Variants in COL5A1 observed in about 807,000 individuals in gnomAD.
COL5A1 encodes collagen alpha-1(V) chain.
COL5A1 carries 16 observed loss-of-function variants against 263.7 expected under a neutral mutation model. The observed-to-expected ratio is 0.06, with a 90% CI of 0.04 to 0.09. The LOEUF is 0.09. Among genes scored for constraint, COL5A1 ranks in the 10% least tolerant of loss-of-function variants. The pLI is 1.00. For synonymous variants in COL5A1, 1,012 were observed against 1,004.5 expected (o/e 1.01, Z -0.14); for missense variants, 2,036 against 2,540.5 (o/e 0.80, Z 4.27).
Position 134,686,686 on chromosome 9 carries a change from C to T in COL5A1, c.110-4226C>T, listed in dbSNP as rs968687304. Among the ~76,000 whole-genome samples the T allele has an allele frequency of 6.6e-6, 1 of 152,158 alleles. No homozygotes were observed. Among genetic ancestry groups the T allele is most frequent in the Non-Finnish European group, 1.5e-5 (1 of 68,020 alleles). On this transcript the variant is annotated intron_variant, in intron 1 of 65. Coordinates refer to ENST00000371817, the MANE Select transcript of COL5A1 (RefSeq NM_000093.5). The surrounding 1 kb of genome is among the most constrained non-coding windows in gnomAD (Gnocchi z 4.6). The stretch of plus-strand genomic sequence containing the variant: ...GCCTCTGGGATGCCAGTGACAAATA[C>T]TTCTACTTGTAACAGTGCAGGGGAT...
At chr9:134,702,017 C>T (rs1177485118) in intron 4 of COL5A1, among the ~76,000 whole-genome samples, 1 of 152,242 alleles carries the variant, frequency 6.6e-6, no homozygotes. Context: ...TGATCCCCAG[C>T]TGCCCCGGGT....
At chr9:134,762,105 G>C (rs1836470831) in intron 19 of COL5A1, 127 bp downstream of exon 19, 1 of 920,102 alleles carries the variant, frequency 1.1e-6, no homozygotes, top group African/African-American at 1.6e-5. Context: ...CCAGCTGGGA[G>C]AAGGCAGATG....
rs775335297 is a variant in COL5A1, at chr9:134,823,002, C to T, written c.4613C>T (p.Pro1538Leu). 40 of 1,613,940 alleles carry T rather than the reference C, an allele frequency of 2.5e-5. No homozygotes were observed. Among genetic ancestry groups the T allele is most frequent in the Middle Eastern group, 1.6e-4 (1 of 6,084 alleles). Residue 1538 changes from proline to leucine, a missense_variant, in exon 60 of 66, where the codon CCG becomes CTG. Coordinates refer to ENST00000371817, the MANE Select transcript of COL5A1 (RefSeq NM_000093.5). ...TCTGCCCTCCTCTCTCTGCAGGGTC[C>T]GCCTGGTCCAAAAGGTGCTAAGGGC... is the stretch of plus-strand genomic sequence containing the variant. ...GPPGPPGLPG[P>L]PGPKGAKGSS...
In COL5A1 at chr9:134,824,607, C is replaced by G. The variant is rs1297565068; in HGVS notation, c.4706C>G (p.Pro1569Arg). Residue 1569 changes from proline (P) to arginine (R), a missense_variant, in exon 62 of 66, where the codon CCG becomes CGG. Physicochemically the swap from Pro to Arg is moderately radical, Grantham distance 103 (BLOSUM62 -2). Transcript: ENST00000371817. ...TCCTGTTCTGTCCCCCAGGGCCCCC[C>G]GGGAGAGGTCATCCAGCCCCTGCCA... is the stretch of plus-strand genomic sequence containing the variant. ...HPGPPGPPGP[P>R]GEVIQPLPIQ... 6.2e-7 allele frequency: 1 copy of G among 1,613,992 alleles called. No individual in the cohort carries two copies. The highest frequency in any genetic ancestry group is 1.7e-5 in the Admixed American group (1 of 60,016).
At chr9:134,829,879 C>G (rs1052147679) in intron 63 of COL5A1, 97 bp from the exon 64 acceptor site, 10 of 1,373,350 alleles carry the variant, frequency 7.3e-6, no homozygotes, top group Non-Finnish European at 9.1e-6. Context: ...GATGCAGGCG[C>G]GGGGGCCGGG....
rs1040602145 is a variant in COL5A1 at position 134,742,599 on chromosome 9, A to C, written c.1494+3791A>C. Among the ~76,000 whole-genome samples the C allele has an allele frequency of 6.6e-6, 1 of 152,180 alleles. No individual in the cohort carries two copies. Among genetic ancestry groups the C allele is most frequent in the African/African-American group, 2.4e-5 (1 of 41,434 alleles). On this transcript the variant is annotated intron_variant, in intron 11 of 65. Coordinates refer to ENST00000371817, the MANE Select transcript of COL5A1 (RefSeq NM_000093.5). This position sits in a 1 kb window ranked among gnomAD's most constrained non-coding sequence, Gnocchi z 4.6. ...TTACTTTGAGGTTCAGAGGAAACCC[A>C]AGAGAGCTGGGAGTCCCCAAGTGAG...
At chr9:134,693,249 G>A (rs1053015114) in intron 2 of COL5A1, among the ~76,000 whole-genome samples, 3 of 151,972 alleles carry the variant, frequency 2.0e-5, no homozygotes, top group African/African-American at 4.8e-5. Flanking sequence ...CGAGGTTACC[G>A]TGACACAGTG....
chr9:134,836,976 A>G (rs1839873132), intron 65 of COL5A1, among the ~76,000 whole-genome samples: 1 of 152,208 alleles, frequency 6.6e-6, no homozygotes, highest in African/African-American at 2.4e-5. Flanking sequence ...GAGGCATTTA[A>G]AAATGCCAGG....
rs200898838 is a variant in COL5A1, at chr9:134,780,065, T to A, written c.2386-37T>A. The A allele has an allele frequency of 3.0e-5, 48 of 1,612,690 alleles. No individual in the cohort carries two copies. The East Asian group carries it at 1.0e-3, about 35-fold the overall frequency. On this transcript the variant is annotated intron_variant, in intron 27 of 65. Coordinates refer to ENST00000371817, the MANE Select transcript of COL5A1 (RefSeq NM_000093.5). ...ACAGCTCTAGAAAGGCTGAGACTTGTAACCATTCACTCCTTTTTCTTTTCC... is the reference window on the plus strand; with the variant it reads ...ACAGCTCTAGAAAGGCTGAGACTTGAAACCATTCACTCCTTTTTCTTTTCC...
At chr9:134,658,063 C>T (rs1053765412) in intron 1 of COL5A1, among the ~76,000 whole-genome samples, 1 of 151,932 alleles carries the variant, frequency 6.6e-6, no homozygotes, top group African/African-American at 2.4e-5. Flanking sequence ...CAACCCTGCC[C>T]GTCTCTTGCC....
Position 134,802,019 on chromosome 9 carries a change from C to T in COL5A1, c.3006+12C>T. 2 of 1,613,088 alleles carry T rather than the reference C, an allele frequency of 1.2e-6. No homozygotes were observed. Among genetic ancestry groups the T allele is most frequent in the Non-Finnish European group, 1.7e-6 (2 of 1,179,764 alleles). ...TGGTCGGCCCTCAGGTAAGCTCCAG[C>T]CTTCCCAGATTCCATGGGTCACTCG... On this transcript the variant is annotated intron_variant, in intron 38 of 65. Coordinates refer to ENST00000371817, the MANE Select transcript of COL5A1 (RefSeq NM_000093.5).
At chr9:134,838,150 A>G (rs1839908731) in intron 65 of COL5A1, among the ~76,000 whole-genome samples, 1 of 152,168 alleles carries the variant, frequency 6.6e-6, no homozygotes, top group African/African-American at 2.4e-5. Context: ...GCAGTTTCCC[A>G]GCCCAAGCCT....
intron 4 of COL5A1, among the ~76,000 whole-genome samples, chr9:134,709,463 C>G (rs1220432398): frequency 6.6e-6 from 1 of 152,198 alleles, no homozygotes; most frequent in Non-Finnish European, 1.5e-5. Context: ...ATTTGCAGTT[C>G]TGGTCTAGGG....
chr9:134,719,721 C>A (rs747197378), intron 4 of COL5A1, among the ~76,000 whole-genome samples: 1 of 152,128 alleles, frequency 6.6e-6, no homozygotes, highest in African/African-American at 2.4e-5. Flanking sequence ...GGCAAGGGGG[C>A]GGCTCAGGAA....
intron 53 of COL5A1, 120 bp from the exon 54 acceptor site, chr9:134,817,658 G>A (rs1345107158): frequency 9.9e-6 from 9 of 908,506 alleles, no homozygotes; most frequent in Admixed American, 6.1e-5. Flanking sequence ...ACCTGCACCC[G>A]AGCTCGTCCC....
chr9:134,796,749 G>T, intron 35 of COL5A1, 99 bp from the exon 36 acceptor site: 1 of 1,107,800 alleles, frequency 9.0e-7, no homozygotes, highest in Non-Finnish European at 1.4e-6. Context: ...GGGAAGAAAT[G>T]ACACCTGCGT....
intron 37 of COL5A1, among the ~76,000 whole-genome samples, chr9:134,799,916 C>T (rs1838045885): frequency 6.6e-6 from 1 of 152,182 alleles, no homozygotes; most frequent in South Asian, 2.1e-4. Flanking sequence ...TGTCTCTGCT[C>T]AGAAAGTTGC....
Position 134,700,062 on chromosome 9 carries a change from C to T in COL5A1, c.431C>T (p.Thr144Met), listed in dbSNP as rs561761305. 49 of 1,612,772 alleles carry T rather than the reference C, an allele frequency of 3.0e-5. No homozygotes were observed. The highest frequency in any genetic ancestry group is 8.3e-5 in the Admixed American group (5 of 60,034). ...CCCGTCTTCCTCTACGAGGACCACA[C>T]GGGGAAGCCTGGCCCGGAAGACTAC... is the stretch of plus-strand genomic sequence containing the variant. ...RSPVFLYEDH[T>M]GKPGPEDYPL... Residue 144 changes from threonine to methionine, a missense_variant, in exon 3 of 66, where the codon ACG (threonine) becomes ATG (methionine). By Grantham distance (81) the Thr-to-Met change is moderately conservative. Around this residue, in one of 3 missense-constraint regions of COL5A1, gnomAD observed 600 missense variants for 634.5 expected, o/e 0.95. Coordinates refer to ENST00000371817, the MANE Select transcript of COL5A1 (RefSeq NM_000093.5). This position sits in a 1 kb window ranked among gnomAD's most constrained non-coding sequence, Gnocchi z 4.0.
chr9:134,700,792 G>A lies in COL5A1; in HGVS notation c.492-379G>A, dbSNP rs554605589. 3.8e-4 allele frequency among the ~76,000 whole-genome samples: 58 copies of A among 152,288 alleles called. No homozygotes were observed. The highest frequency in any genetic ancestry group is 1.1e-3 in the Admixed American group (17 of 15,298). On this transcript the variant is annotated intron_variant, in intron 3 of 65. Coordinates refer to ENST00000371817, the MANE Select transcript of COL5A1 (RefSeq NM_000093.5). This position sits in a 1 kb window ranked among gnomAD's most constrained non-coding sequence, Gnocchi z 4.0. ...ATGCACACAGCAAAATACAACGGCCGCCGCCCTGCCATTCTCCCGATGGCT... is the reference window on the plus strand; with the variant it reads ...ATGCACACAGCAAAATACAACGGCCACCGCCCTGCCATTCTCCCGATGGCT...
Sources: gnomAD v4.1 joint callset for allele counts (sites outside exome capture counted in the v4.1 genomes callset) on GRCh38, gnomAD v4.1.1 for gene constraint, gnomAD v4.1.1 regional missense constraint, Gnocchi (gnomAD v3.1) non-coding constraint, MANE v1.5 for transcripts, NCBI Gene and HGNC (gene_info 2026-07-23, HGNC 2026-07-21) for gene names.